Variants in RTN4 observed in about 807,000 individuals in gnomAD.
RTN4 encodes reticulon 4, also known as reticulon-4.
A neutral mutation model predicts 90.4 loss-of-function variants in RTN4; 32 were observed. That is an observed-to-expected ratio of 0.35 (90% CI 0.27 to 0.48). RTN4 has a LOEUF of 0.48. Among genes scored for constraint, RTN4 ranks in the 20% least tolerant of loss-of-function variants. The probability of loss-of-function intolerance (pLI) is 0.99; values close to 1 mark genes in which losing one functional copy is unlikely to be tolerated. For missense variants in RTN4, 1,706 were observed against 1,430.2 expected, an observed-to-expected ratio of 1.19 and a Z score of -3.11; for synonymous variants, 629 against 552.5, an observed-to-expected ratio of 1.14 and a Z score of -1.94.
intron 2 of RTN4, among the ~76,000 whole-genome samples, chr2:55,070,228 C>A (rs1366948320): frequency 2.0e-5 from 3 of 152,000 alleles, no homozygotes; most frequent in Admixed American, 6.6e-5. Flanking sequence ...GCCAGTAATA[C>A]TCCAGTAATA....
intron 2 of RTN4, among the ~76,000 whole-genome samples, chr2:55,057,809 A>C (rs1668216388): frequency 6.6e-6 from 1 of 151,894 alleles, no homozygotes; most frequent in Non-Finnish European, 1.5e-5. Flanking sequence ...CATAGCAAAA[A>C]CCTATCTCTA....
chr2:54,991,942 T>C (rs756119820), intron 3 of RTN4, among the ~76,000 whole-genome samples: 5 of 152,220 alleles, frequency 3.3e-5, no homozygotes, highest in African/African-American at 9.6e-5. Context: ...TTAAGCCTGA[T>C]AGATGTTTTG....
chr2:54,978,067 G>C (rs1434392478), intron 5 of RTN4, among the ~76,000 whole-genome samples: 1 of 152,194 alleles, frequency 6.6e-6, no homozygotes, highest in Non-Finnish European at 1.5e-5. Context: ...GCAAGGAAAA[G>C]GTTTCACATG....
chr2:55,001,032 A>T (rs940102851), intron 3 of RTN4, among the ~76,000 whole-genome samples: 3 of 152,148 alleles, frequency 2.0e-5, no homozygotes, highest in South Asian at 2.1e-4. Flanking sequence ...AAAAATAGAT[A>T]AAAAAGACAT....
chr2:55,124,529 T>C, the RTN4 span, among the ~76,000 whole-genome samples: 1 of 152,004 alleles, frequency 6.6e-6, no homozygotes, highest in Non-Finnish European at 1.5e-5. Context: ...ATCTCTACAA[T>C]GAGAATTACA....
chr2:55,104,415 C>A (rs146536872), intron 1 of RTN4, among the ~76,000 whole-genome samples: 1 of 151,650 alleles, frequency 6.6e-6, no homozygotes, highest in Non-Finnish European at 1.5e-5. Flanking sequence ...TGCAGCGTTG[C>A]GATCTCAGCT....
upstream of RTN4, among the ~76,000 whole-genome samples, chr2:55,112,779 T>G (rs949388341): frequency 6.6e-6 from 1 of 152,264 alleles, no homozygotes; most frequent in Non-Finnish European, 1.5e-5. Context: ...TATCTGTTAT[T>G]TTCATTGTCC....
intron 2 of RTN4, among the ~76,000 whole-genome samples, chr2:55,065,353 G>A (rs1350243786): frequency 6.6e-6 from 1 of 152,098 alleles, no homozygotes; most frequent in Non-Finnish European, 1.5e-5. Context: ...TGATGAATGT[G>A]TTATACTACC....
upstream of RTN4, among the ~76,000 whole-genome samples, chr2:55,114,265 C>T (rs1163507885): frequency 6.6e-6 from 1 of 152,188 alleles, no homozygotes; most frequent in Non-Finnish European, 1.5e-5. Context: ...TTCCACCTCT[C>T]TCTTTTGTGA....
At chr2:55,028,418 A>G (rs1170443531) in intron 1 of RTN4, among the ~76,000 whole-genome samples, 198 bp from the exon 2 acceptor site, 2 of 152,224 alleles carry the variant, frequency 1.3e-5, no homozygotes, top group Admixed American at 1.3e-4. Context: ...TATAAAGCTA[A>G]TTAAATGTTA....
At chr2:55,068,925 A>G (rs1340442996) in intron 2 of RTN4, among the ~76,000 whole-genome samples, 1 of 152,260 alleles carries the variant, frequency 6.6e-6, no homozygotes, top group Non-Finnish European at 1.5e-5. Flanking sequence ...ATGGAGGTGA[A>G]GAACACAAAG....
rs577589756 is a variant in RTN4 at position 55,041,266 on chromosome 2, A to T, written c.556+8479T>A. 2.0e-5 allele frequency among the ~76,000 whole-genome samples: 3 copies of T among 152,238 alleles called. No individual in the cohort carries two copies. In the South Asian group the frequency reaches 6.2e-4, roughly 32 times the overall value. ...CTAAATTTTTTTTAAATACATGTTA[A>T]TAAAAACCACGTGTTTATGGAAAAA... On this transcript the variant is annotated intron_variant, in intron 1 of 8. Coordinates refer to ENST00000337526, the MANE Select transcript of RTN4 (RefSeq NM_020532.5).
chr2:55,063,695 A>G (rs1358342080), intron 2 of RTN4, among the ~76,000 whole-genome samples: 1 of 151,918 alleles, frequency 6.6e-6, no homozygotes, highest in Non-Finnish European at 1.5e-5. Flanking sequence ...AGCCTGGACA[A>G]CATGGTAAAA....
At chr2:55,128,395 T>C in the RTN4 span, among the ~76,000 whole-genome samples, 151 of 152,248 alleles carry the variant, frequency 9.9e-4, 1 homozygote, top group Middle Eastern at 3.4e-3. Flanking sequence ...ATGGTGACCA[T>C]CCATGCAGCC....
chr2:55,008,142 AACACACACAC>A (rs200633765), intron 3 of RTN4, among the ~76,000 whole-genome samples: 9 of 145,030 alleles, frequency 6.2e-5, no homozygotes, highest in Admixed American at 2.8e-4. Flanking sequence ...TCGGCAAGCA[AACACACACAC>A]ACACACACAC....
intron 2 of RTN4, among the ~76,000 whole-genome samples, chr2:55,064,703 T>C (rs1668360669): frequency 6.6e-6 from 1 of 152,190 alleles, no homozygotes; most frequent in Non-Finnish European, 1.5e-5. Flanking sequence ...TATACAAAAA[T>C]ACCGAGACTG....
At position 55,025,198 on chromosome 2, in the gene RTN4, T is replaced by A; in HGVS notation, c.2901A>T (p.Ile967=). 6.2e-7 allele frequency: 1 copy of A among 1,613,860 alleles called. No individual in the cohort carries two copies. The highest frequency in any genetic ancestry group is 8.5e-7 in the Non-Finnish European group (1 of 1,179,822). The change falls in exon 3 of 9, where the codon ATA becomes ATT. Residue 967 remains isoleucine, a synonymous_variant. Coordinates refer to ENST00000337526, the MANE Select transcript of RTN4 (RefSeq NM_020532.5). The part of the protein sequence containing the change: ...ALATQAEIES[I]VKPKVLVKEA... ...CTTTCACAAGAACTTTGGGTTTAAC[T>A]ATGCTCTCTATCTCTGCTTGAGTGG... is the stretch of plus-strand genomic sequence containing the variant.
At chr2:55,070,975 A>C (rs373930623) in intron 2 of RTN4, among the ~76,000 whole-genome samples, 3 of 151,094 alleles carry the variant, frequency 2.0e-5, no homozygotes, top group East Asian at 3.9e-4. Context: ...ATGGGGTTTC[A>C]CTGTGTTAGC....
rs1558746400 is a variant in RTN4, at chr2:54,973,134, CT to C, written c.*21del. On this transcript the variant is annotated 3_prime_UTR_variant, in exon 9 of 9. Transcript: ENST00000337526. The stretch of plus-strand genomic sequence containing the variant: ...GAATATCCCCTTTAAAGATGAACTC[CT>C]ACTAATTATTTTGGGCGTTTTCATT... 6.3e-7 allele frequency: 1 copy of C among 1,595,552 alleles called. No individual in the cohort carries two copies. Among genetic ancestry groups the C allele is most frequent in the Non-Finnish European group, 8.6e-7 (1 of 1,164,840 alleles).
Sources: allele counts gnomAD v4.1 joint callset (sites outside exome capture counted in the v4.1 genomes callset), GRCh38; gene constraint gnomAD v4.1.1; transcripts MANE v1.5; gene names NCBI Gene and HGNC (gene_info 2026-07-23, HGNC 2026-07-21).